The following SPAG1 variants were observed in gnomAD, a reference collection of about 807,000 sequenced individuals.
SPAG1 encodes sperm-associated antigen 1.
In SPAG1, 69 loss-of-function variants were observed where a neutral mutation model predicts 100.5. The observed-to-expected ratio is 0.69, with a 90% CI of 0.57 to 0.84. The LOEUF is 0.84. Ranked by LOEUF, SPAG1 falls within the 40% of genes least tolerant of loss-of-function variation. The probability of loss-of-function intolerance (pLI) is 0.00; values close to 1 mark genes in which losing one functional copy is unlikely to be tolerated. For synonymous variants in SPAG1, 336 were observed against 411.6 expected (o/e 0.82, Z 2.22); for missense variants, 955 against 1,133.1 (o/e 0.84, Z 2.26).
rs1248592742 is a variant in SPAG1, at chr8:100,165,557, G to A, written c.141-257G>A. Reference sequence around the variant, plus strand: ...CCTCCACGGTGCCGGGGACCACACCGCCCCACTCACCCTTATCCAGTTTTT... The same window carrying A: ...CCTCCACGGTGCCGGGGACCACACCACCCCACTCACCCTTATCCAGTTTTT... On this transcript the variant is annotated intron_variant, in intron 2 of 18. Transcript: ENST00000388798. The A allele has an allele frequency of 1.7e-5, 7 of 402,110 alleles. No individual in the cohort carries two copies. The East Asian group carries it at 2.5e-4, about 15-fold the overall frequency. The allele number at this position is 402,110 out of a possible 1,614,324, so 24.9% of individuals were successfully genotyped here.
At chr8:100,200,238 T>C (rs1817214621) in intron 10 of SPAG1, among the ~76,000 whole-genome samples, 1 of 152,196 alleles carries the variant, frequency 6.6e-6, no homozygotes, top group African/African-American at 2.4e-5. Context: ...AGAATGATGG[T>C]TTCCAGCTTC....
chr8:100,220,194 C>A, intron 12 of SPAG1, 85 bp from the exon 13 acceptor site: 2 of 755,452 alleles, frequency 2.6e-6, no homozygotes, highest in Non-Finnish European at 3.9e-6. Context: ...TTTGAGAGTT[C>A]AGTACTGCAG....
At chr8:100,169,455 C>G (rs759968557) in intron 3 of SPAG1, among the ~76,000 whole-genome samples, 1 of 152,166 alleles carries the variant, frequency 6.6e-6, no homozygotes, top group Non-Finnish European at 1.5e-5. Flanking sequence ...AAAAAATCAA[C>G]TGGGCTGAGC....
intron 10 of SPAG1, 73 bp downstream of exon 10, chr8:100,194,341 T>C: frequency 1.3e-6 from 2 of 1,554,580 alleles, no homozygotes; most frequent in East Asian, 2.4e-5. Flanking sequence ...AATTTTTCTA[T>C]TCGTACAGAA....
At chr8:100,236,727 C>T (rs988870499) in intron 16 of SPAG1, among the ~76,000 whole-genome samples, 2 of 152,038 alleles carry the variant, frequency 1.3e-5, no homozygotes, top group Admixed American at 1.3e-4. Flanking sequence ...CTTTTATTTA[C>T]AATTTATTTC....
At chr8:100,233,323 C>A in intron 15 of SPAG1, 88 bp from the exon 16 acceptor site, 2 of 1,410,810 alleles carry the variant, frequency 1.4e-6, no homozygotes, top group Non-Finnish European at 2.0e-6. Flanking sequence ...ACATATTGAG[C>A]TATTTTCTGA....
chr8:100,240,952 TTTCGGACACACCAAACAACCA>T lies in SPAG1; in HGVS notation c.2714_2734del (p.Ser905_His911del), dbSNP rs1167703017. 6.2e-7 allele frequency: 1 copy of T among 1,613,280 alleles called. No homozygotes were observed. The highest frequency in any genetic ancestry group is 8.5e-7 in the Non-Finnish European group (1 of 1,179,688). On this transcript the variant is annotated inframe_deletion, in exon 19 of 19. Coordinates refer to ENST00000388798, the MANE Select transcript of SPAG1 (RefSeq NM_003114.5). ...CTAATTGAACAGCTGTTTGAGGACC[TTTCGGACACACCAAACAACCA>T]TTTTACTTTAGAAGATATACAGGCC...
intron 4 of SPAG1, 151 bp from the exon 5 acceptor site, chr8:100,183,224 C>T: frequency 6.9e-6 from 3 of 435,770 alleles, no homozygotes; most frequent in Non-Finnish European, 1.3e-5. Context: ...CTGTCCACCT[C>T]AGCCTCCCAA....
At chr8:100,177,625 A>G (rs1816185578) in intron 3 of SPAG1, among the ~76,000 whole-genome samples, 191 bp from the exon 4 acceptor site, 1 of 152,132 alleles carries the variant, frequency 6.6e-6, no homozygotes, top group South Asian at 2.1e-4. Flanking sequence ...GATATTTCTA[A>G]TTCATCTGTG....
At chr8:100,187,788 T>C (rs1816648891) in intron 8 of SPAG1, among the ~76,000 whole-genome samples, 1 of 152,236 alleles carries the variant, frequency 6.6e-6, no homozygotes. Flanking sequence ...ACTGGACCTC[T>C]AGAACCTTCT....
At chr8:100,203,140 TGAAAG>T (rs1817360886) in intron 10 of SPAG1, among the ~76,000 whole-genome samples, 1 of 152,166 alleles carries the variant, frequency 6.6e-6, no homozygotes, top group South Asian at 2.1e-4. Flanking sequence ...CAGAAAAACA[TGAAAG>T]GAGAGACTGG....
chr8:100,178,355 A>C (rs1222557860), intron 4 of SPAG1, among the ~76,000 whole-genome samples: 3 of 152,026 alleles, frequency 2.0e-5, no homozygotes, highest in African/African-American at 7.2e-5. Context: ...TAAAACAGTA[A>C]ACAGATACTT....
intron 3 of SPAG1, among the ~76,000 whole-genome samples, chr8:100,166,461 A>G (rs1452295300): frequency 1.3e-5 from 2 of 151,528 alleles, no homozygotes; most frequent in African/African-American, 2.4e-5. Flanking sequence ...GTTTCACCAT[A>G]TTGGCCAGAC....
At position 100,233,435 on chromosome 8, in the gene SPAG1, C is replaced by T; in HGVS notation, c.2013C>T (p.Cys671=). The T allele has an allele frequency of 6.2e-7, 1 of 1,613,978 alleles. No homozygotes were observed. The highest frequency in any genetic ancestry group is 8.5e-7 in the Non-Finnish European group (1 of 1,179,910). ...GAGCTCTCTGTTACTTGAAGCTGTGCCAGTTTGAAGAAGCAAAGCAGGACT... is the reference window on the plus strand; with the variant it reads ...GAGCTCTCTGTTACTTGAAGCTGTGTCAGTTTGAAGAAGCAAAGCAGGACT... ...TNRALCYLKL[C]QFEEAKQDCD... Residue 671 remains cysteine (C), a synonymous_variant, in exon 16 of 19, where the codon TGC becomes TGT. Transcript: ENST00000388798.
chr8:100,213,728 C>T (rs1405959795), intron 11 of SPAG1, 91 bp from the exon 12 acceptor site: 1 of 793,832 alleles, frequency 1.3e-6, no homozygotes, highest in Non-Finnish European at 2.1e-6. Flanking sequence ...TGCAGTGCCA[C>T]CCCACCGGAG....
chr8:100,185,360 T>C (rs909420076), intron 7 of SPAG1: 1 of 152,290 alleles, frequency 6.6e-6, no homozygotes, highest in African/African-American at 2.4e-5. Flanking sequence ...TTACTTCACC[T>C]TCCAAACTAG....
intron 10 of SPAG1, among the ~76,000 whole-genome samples, chr8:100,198,767 C>A (rs747679257): frequency 4.6e-5 from 7 of 152,170 alleles, no homozygotes; most frequent in Non-Finnish European, 1.0e-4. Flanking sequence ...AAATTCTATA[C>A]CCATTGGCAG....
chr8:100,165,357 TG>T, intron 2 of SPAG1: 1 of 498,248 alleles, frequency 2.0e-6, no homozygotes. Context: ...AGCAGGAACT[TG>T]AAATTCTTCT....
At chr8:100,162,820 A>G (rs1815373497) in intron 2 of SPAG1, among the ~76,000 whole-genome samples, 1 of 152,176 alleles carries the variant, frequency 6.6e-6, no homozygotes. Context: ...TCTACAAAAA[A>G]TACGAAAATT....
Sources: allele counts gnomAD v4.1 joint callset (sites outside exome capture counted in the v4.1 genomes callset), GRCh38; gene constraint gnomAD v4.1.1; transcripts MANE v1.5; gene names NCBI Gene and HGNC (gene_info 2026-07-23, HGNC 2026-07-21).